Variants in CAMKMT observed in about 807,000 individuals in gnomAD.
CAMKMT encodes the protein calmodulin-lysine N-methyltransferase, also known as CaM KMT.
In CAMKMT, 53 loss-of-function variants were observed where a neutral mutation model predicts 48.0. That is an observed-to-expected ratio of 1.10 (90% CI 0.89 to 1.39). The LOEUF is 1.39. Among genes scored for constraint, CAMKMT ranks in the 40% most tolerant of loss-of-function variants. CAMKMT has a pLI of 0.00. For synonymous variants in CAMKMT, 165 were observed against 152.3 expected, an observed-to-expected ratio of 1.08 and a Z score of -0.61; for missense variants, 428 against 402.7, an observed-to-expected ratio of 1.06 and a Z score of -0.54.
intron 7 of CAMKMT, among the ~76,000 whole-genome samples, chr2:44,720,995 A>C (rs1041123444): frequency 6.6e-6 from 1 of 152,006 alleles, no homozygotes; most frequent in African/African-American, 2.4e-5. Context: ...ATGGGGTTTG[A>C]TATAGTAAGC....
Position 44,752,538 on chromosome 2 carries a change from C to T in CAMKMT, c.699-1517C>T, listed in dbSNP as rs145954954. ...CACCTGTCCCCACCCTAACCCCACC[C>T]ACAGAATCCTTTCCTTGGTTTTAAT... On this transcript the variant is annotated intron_variant, in intron 8 of 10. Transcript: ENST00000378494. 5.1e-3 allele frequency among the ~76,000 whole-genome samples: 778 copies of T among 152,280 alleles called. 1 individual carries two copies. The highest frequency in any genetic ancestry group is 0.013 in the South Asian group (62 of 4,830).
chr2:44,368,752 T>G (rs1430520418), intron 1 of CAMKMT, among the ~76,000 whole-genome samples: 2 of 152,244 alleles, frequency 1.3e-5, no homozygotes, highest in South Asian at 2.1e-4. Context: ...TAATTTATAA[T>G]GTCTACATTT....
intron 3 of CAMKMT, among the ~76,000 whole-genome samples, chr2:44,428,264 G>T (rs1358778655): frequency 1.3e-5 from 2 of 152,152 alleles, no homozygotes; most frequent in Non-Finnish European, 2.9e-5. Context: ...ATGGGGTGGA[G>T]TGAGAAGATA....
chr2:44,559,257 C>T (rs1393963435), intron 3 of CAMKMT, among the ~76,000 whole-genome samples: 2 of 152,142 alleles, frequency 1.3e-5, no homozygotes, highest in African/African-American at 4.8e-5. Flanking sequence ...ATTGCAGCTT[C>T]CCCTTCAGTT....
intron 3 of CAMKMT, among the ~76,000 whole-genome samples, chr2:44,490,626 G>A (rs1669449748): frequency 6.7e-6 from 1 of 150,334 alleles, no homozygotes; most frequent in Non-Finnish European, 1.5e-5. Context: ...TCATTTTGAA[G>A]TATTCTGGAT....
chr2:44,374,470 A>G (rs1420181638), intron 2 of CAMKMT, among the ~76,000 whole-genome samples: 2 of 152,234 alleles, frequency 1.3e-5, no homozygotes, highest in African/African-American at 4.8e-5. Flanking sequence ...ATAAAGTTCT[A>G]AAACTTATCT....
At chr2:44,595,132 C>T (rs1238159181) in intron 3 of CAMKMT, among the ~76,000 whole-genome samples, 2 of 152,078 alleles carry the variant, frequency 1.3e-5, no homozygotes, top group African/African-American at 4.8e-5. Flanking sequence ...GAATGGTGAT[C>T]ATTAAAAAGT....
In CAMKMT at chr2:44,385,646, C is replaced by T. The variant is rs996780951; in HGVS notation, c.312-4595C>T. 3.3e-5 allele frequency among the ~76,000 whole-genome samples: 5 copies of T among 152,026 alleles called. 1 individual carries two copies. The highest frequency in any genetic ancestry group is 2.0e-4 in the Admixed American group (3 of 15,270). Reference sequence around the variant, plus strand: ...GGCTTTTATTACATTAAGGAATGTCCCTTGTATGCCAGTTTTGCTGAGAGT... The same window carrying T: ...GGCTTTTATTACATTAAGGAATGTCTCTTGTATGCCAGTTTTGCTGAGAGT... On this transcript the variant is annotated intron_variant, in intron 2 of 10. Transcript: ENST00000378494.
intron 3 of CAMKMT, among the ~76,000 whole-genome samples, chr2:44,584,745 C>G (rs901075984): frequency 1.4e-4 from 21 of 151,928 alleles, no homozygotes; most frequent in Non-Finnish European, 2.6e-4. Flanking sequence ...AATTGGGTGT[C>G]TGCATGAAAT....
Position 44,362,141 on chromosome 2 carries a change from G to A in CAMKMT, c.134G>A (p.Arg45Gln). 2 of 1,472,090 alleles carry A rather than the reference G, an allele frequency of 1.4e-6. No homozygotes were observed. The highest frequency in any genetic ancestry group is 1.8e-6 in the Non-Finnish European group (2 of 1,123,784). 91.2% of individuals were successfully genotyped at this position (1,472,090 alleles called of 1,614,324 possible). Residue 45 changes from arginine (R) to glutamine (Q), a missense_variant, in exon 1 of 11, where the codon CGG becomes CAG. Coordinates refer to ENST00000378494, the MANE Select transcript of CAMKMT (RefSeq NM_024766.5). ...PLGAARWKLL[R>Q]QVLKQKHLDD... is the part of the protein sequence containing the mutation. ...GGAGCCGCCCGGTGGAAGCTCCTGC[G>A]GCAGGTAAGGGAGAACCTGCTCGCC...
chr2:44,513,653 AACTT>A (rs1670681632), intron 3 of CAMKMT, among the ~76,000 whole-genome samples: 1 of 152,148 alleles, frequency 6.6e-6, no homozygotes. Context: ...TAGCCCACAG[AACTT>A]ACTTCTCTTT....
chr2:44,620,337 C>CTT (rs1226061409), intron 3 of CAMKMT, among the ~76,000 whole-genome samples: 1 of 152,058 alleles, frequency 6.6e-6, no homozygotes, highest in African/African-American at 2.4e-5. Context: ...CAACCACACT[C>CTT]TTATCACTAC....
At chr2:44,400,443 C>G (rs750734944) in intron 3 of CAMKMT, among the ~76,000 whole-genome samples, 7 of 152,104 alleles carry the variant, frequency 4.6e-5, no homozygotes, top group African/African-American at 7.2e-5. Flanking sequence ...TTGGCACTCA[C>G]CACTCTACCC....
intron 3 of CAMKMT, among the ~76,000 whole-genome samples, chr2:44,393,070 C>G (rs1453921093): frequency 6.6e-6 from 1 of 152,016 alleles, no homozygotes; most frequent in Non-Finnish European, 1.5e-5. Context: ...TTTAGTAGAA[C>G]CATTAATTTC....
chr2:44,588,316 GCC>G (rs1670019435), intron 3 of CAMKMT, among the ~76,000 whole-genome samples: 1 of 84,694 alleles, frequency 1.2e-5, no homozygotes, highest in African/African-American at 4.6e-5. Flanking sequence ...GGGGGGGTCA[GCC>G]CCCCGCCCGG....
At chr2:44,419,138 C>G (rs1683761110) in intron 3 of CAMKMT, among the ~76,000 whole-genome samples, 1 of 152,304 alleles carries the variant, frequency 6.6e-6, no homozygotes, top group African/African-American at 2.4e-5. Flanking sequence ...TTTATGAGAT[C>G]TGAAGAAGCA....
At chr2:44,375,151 C>T (rs544070986) in intron 2 of CAMKMT, among the ~76,000 whole-genome samples, 1 of 151,510 alleles carries the variant, frequency 6.6e-6, no homozygotes, top group East Asian at 1.9e-4. Flanking sequence ...CTTGAGCCAC[C>T]ATGCCTGGCC....
chr2:44,404,269 C>A (rs910893155), intron 3 of CAMKMT, among the ~76,000 whole-genome samples: 1 of 152,058 alleles, frequency 6.6e-6, no homozygotes, highest in African/African-American at 2.4e-5. Context: ...ATTTACAATG[C>A]ATTTAAAATT....
chr2:44,753,250 A>T (rs1434563052), intron 8 of CAMKMT, among the ~76,000 whole-genome samples: 1 of 82,636 alleles, frequency 1.2e-5, no homozygotes, highest in Non-Finnish European at 2.5e-5. Context: ...CTGTCCCTAC[A>T]AAAAAAAAAA....
Sources: gnomAD v4.1 joint callset for allele counts (sites outside exome capture counted in the v4.1 genomes callset) on GRCh38, gnomAD v4.1.1 for gene constraint, MANE v1.5 for transcripts, NCBI Gene and HGNC (gene_info 2026-07-23, HGNC 2026-07-21) for gene names.